Variants in SLC16A12 observed in about 807,000 individuals in gnomAD.
SLC16A12 encodes solute carrier family 16 member 12.
A neutral mutation model predicts 42.4 loss-of-function variants in SLC16A12; 17 were observed. The observed-to-expected ratio is 0.40, with a 90% CI of 0.27 to 0.60. The LOEUF (loss-of-function observed/expected upper bound fraction) is 0.60, where lower values mean the gene tolerates loss of function less well. Among genes scored for constraint, SLC16A12 ranks in the 20% least tolerant of loss-of-function variants. The pLI is 0.42. For synonymous variants in SLC16A12, 224 were observed against 229.4 expected (o/e 0.98, Z 0.21); for missense variants, 544 against 623.0 (o/e 0.87, Z 1.35).
At chr10:89,500,295 C>G (rs1040734998) in intron 2 of SLC16A12, among the ~76,000 whole-genome samples, 1 of 152,086 alleles carries the variant, frequency 6.6e-6, no homozygotes, top group East Asian at 1.9e-4. Context: ...TTCTATGAAG[C>G]CAGTATCACC....
At chr10:89,448,227 G>C (rs964832609) in intron 3 of SLC16A12, among the ~76,000 whole-genome samples, 1 of 152,148 alleles carries the variant, frequency 6.6e-6, no homozygotes, top group Non-Finnish European at 1.5e-5. Flanking sequence ...CCAATCAGGA[G>C]AATAACAGGG....
At chr10:89,475,864 G>A (rs1047572634) in intron 2 of SLC16A12, among the ~76,000 whole-genome samples, 5 of 152,170 alleles carry the variant, frequency 3.3e-5, no homozygotes, top group East Asian at 1.9e-4. Flanking sequence ...ATTCACATAC[G>A]AGGCAGACAG....
intron 3 of SLC16A12, among the ~76,000 whole-genome samples, chr10:89,450,994 T>C (rs757781600): frequency 5.3e-5 from 8 of 152,274 alleles, no homozygotes; most frequent in African/African-American, 1.9e-4. Context: ...GAGAAAGACA[T>C]GTGAACCAGA....
intron 2 of SLC16A12, among the ~76,000 whole-genome samples, chr10:89,527,803 TAAAA>T (rs1171305059): frequency 1.7e-5 from 2 of 119,286 alleles, no homozygotes. Context: ...CCCCATCTCT[TAAAA>T]AAAAAAAGAG....
intron 3 of SLC16A12, among the ~76,000 whole-genome samples, chr10:89,459,911 C>T (rs546805057): frequency 7.0e-4 from 106 of 152,144 alleles, no homozygotes; most frequent in African/African-American, 2.4e-3. Flanking sequence ...ACTGCACTTC[C>T]GCCTGGGCAA....
intron 2 of SLC16A12, among the ~76,000 whole-genome samples, chr10:89,533,913 G>C (rs190951595): frequency 1.7e-4 from 26 of 152,072 alleles, no homozygotes; most frequent in Admixed American, 1.6e-3. Flanking sequence ...TGCTCAAAAT[G>C]CCTAGAGGCA....
intron 2 of SLC16A12, among the ~76,000 whole-genome samples, chr10:89,552,382 T>G (rs1054121717): frequency 6.6e-6 from 1 of 152,244 alleles, no homozygotes; most frequent in Admixed American, 6.5e-5. Context: ...AATTATAGGC[T>G]TCTGGCCAAG....
chr10:89,494,516 G>T (rs534876301), intron 2 of SLC16A12, among the ~76,000 whole-genome samples: 3 of 152,190 alleles, frequency 2.0e-5, no homozygotes, highest in African/African-American at 7.2e-5. Context: ...GATTGAGCAC[G>T]CATGTTTATC....
intron 2 of SLC16A12, among the ~76,000 whole-genome samples, chr10:89,521,703 G>A (rs1564598317): frequency 6.6e-6 from 1 of 152,172 alleles, no homozygotes; most frequent in Admixed American, 6.6e-5. Context: ...GAAAGAGGGA[G>A]GAGGAGGAAG....
chr10:89,503,060 T>G (rs997346314), intron 2 of SLC16A12, among the ~76,000 whole-genome samples: 4 of 152,164 alleles, frequency 2.6e-5, no homozygotes, highest in African/African-American at 9.7e-5. Context: ...CTCCAGTAAA[T>G]GTTCTCAAAA....
At chr10:89,455,900 C>T (rs902930737) in intron 3 of SLC16A12, among the ~76,000 whole-genome samples, 2 of 152,190 alleles carry the variant, frequency 1.3e-5, no homozygotes, top group Non-Finnish European at 2.9e-5. Context: ...CAACTCCTAA[C>T]AACTTTCAGT....
chr10:89,530,389 AC>A (rs546072667), intron 2 of SLC16A12, among the ~76,000 whole-genome samples: 46 of 151,586 alleles, frequency 3.0e-4, no homozygotes, highest in Non-Finnish European at 5.7e-4. Flanking sequence ...CTATTTTAAT[AC>A]TTTTAAAATG....
At chr10:89,480,375 T>C (rs1018148411) in intron 2 of SLC16A12, among the ~76,000 whole-genome samples, 1 of 152,218 alleles carries the variant, frequency 6.6e-6, no homozygotes, top group Non-Finnish European at 1.5e-5. Flanking sequence ...TATTTCCTTT[T>C]AAAGGGGGCT....
chr10:89,539,912 T>TA (rs1554833983), upstream of SLC16A12, among the ~76,000 whole-genome samples: 1 of 66,488 alleles, frequency 1.5e-5, no homozygotes, highest in Admixed American at 1.5e-4. Flanking sequence ...TTTCTTTCTT[T>TA]TTTCTTTTTT....
chr10:89,539,865 CT>C (rs766966304), upstream of SLC16A12, among the ~76,000 whole-genome samples: 9 of 131,294 alleles, frequency 6.9e-5, no homozygotes, highest in African/African-American at 2.5e-4. Flanking sequence ...ATTTTTCTTT[CT>C]TTCTTTCTTT....
At chr10:89,476,477 A>G (rs1249311285) in intron 2 of SLC16A12, among the ~76,000 whole-genome samples, 2 of 152,184 alleles carry the variant, frequency 1.3e-5, no homozygotes, top group Non-Finnish European at 2.9e-5. Flanking sequence ...TCAGAGTGTG[A>G]GATCCCTAAG....
At chr10:89,474,437 C>A (rs1842545662) in intron 2 of SLC16A12, among the ~76,000 whole-genome samples, 1 of 152,144 alleles carries the variant, frequency 6.6e-6, no homozygotes, top group South Asian at 2.1e-4. Flanking sequence ...CAGGGAGAAC[C>A]CCCTCAAGTC....
chr10:89,495,357 A>AAAAC (rs529791347), intron 2 of SLC16A12, among the ~76,000 whole-genome samples: 52 of 152,220 alleles, frequency 3.4e-4, no homozygotes, highest in South Asian at 2.3e-3. Flanking sequence ...CGTCTCTCAA[A>AAAAC]AAACAAACAA....
intron 3 of SLC16A12, among the ~76,000 whole-genome samples, chr10:89,457,222 T>C (rs1267673879): frequency 1.3e-5 from 2 of 152,116 alleles, no homozygotes; most frequent in Non-Finnish European, 2.9e-5. Context: ...TTTTGCAACC[T>C]ATCCATCTGA....
Sources: gnomAD v4.1 joint callset for allele counts (sites outside exome capture counted in the v4.1 genomes callset) on GRCh38, gnomAD v4.1.1 for gene constraint, MANE v1.5 for transcripts, NCBI Gene and HGNC (gene_info 2026-07-23, HGNC 2026-07-21) for gene names.